VWC2L: variants seen among roughly 807,000 people sequenced by gnomAD.
The protein encoded by VWC2L is von Willebrand factor C domain containing 2 like, also known as von Willebrand factor C domain-containing protein 2-like.
In VWC2L, 10 loss-of-function variants were observed where a neutral mutation model predicts 21.6. The ratio of observed to expected loss-of-function variants is 0.46; its 90% CI spans 0.29 to 0.78. The LOEUF is 0.78. Ranked by LOEUF, VWC2L falls within the 30% of genes least tolerant of loss-of-function variation. The probability of loss-of-function intolerance (pLI) is 0.10; values close to 1 mark genes in which losing one functional copy is unlikely to be tolerated. For synonymous variants in VWC2L, 96 were observed against 94.3 expected (o/e 1.02, Z -0.10); for missense variants, 209 against 277.1 (o/e 0.75, Z 1.74).
chr2:214,570,127 C>T (rs1218136831), intron 3 of VWC2L, among the ~76,000 whole-genome samples: 1 of 152,000 alleles, frequency 6.6e-6, no homozygotes, highest in Non-Finnish European at 1.5e-5. Flanking sequence ...CTGGAAGGTG[C>T]TTTATGGTCT....
chr2:214,552,039 T>C (rs1689803187), intron 3 of VWC2L, among the ~76,000 whole-genome samples: 1 of 152,260 alleles, frequency 6.6e-6, no homozygotes, highest in African/African-American at 2.4e-5. Flanking sequence ...TATTGTGGTT[T>C]AGTGTTTAAG....
chr2:214,458,089 T>C (rs1354513753), intron 3 of VWC2L, among the ~76,000 whole-genome samples: 1 of 152,106 alleles, frequency 6.6e-6, no homozygotes, highest in African/African-American at 2.4e-5. Context: ...GGCGTTTCTT[T>C]GTTGGGAGAC....
chr2:214,485,638 C>T (rs1688663591), intron 3 of VWC2L, among the ~76,000 whole-genome samples: 2 of 152,210 alleles, frequency 1.3e-5, no homozygotes, highest in Admixed American at 6.5e-5. Context: ...AACATTCACA[C>T]ATTTGCCTCA....
intron 3 of VWC2L, among the ~76,000 whole-genome samples, chr2:214,482,616 G>GA (rs1688622747): frequency 6.7e-6 from 1 of 148,654 alleles, no homozygotes; most frequent in Admixed American, 6.7e-5. Flanking sequence ...TGAAGAGAGA[G>GA]AAAAAAATTT....
chr2:214,493,889 T>A (rs1030976627), intron 3 of VWC2L, among the ~76,000 whole-genome samples: 3 of 152,178 alleles, frequency 2.0e-5, no homozygotes, highest in Admixed American at 6.5e-5. Flanking sequence ...TCTAAGACCC[T>A]ACCTGCAGAT....
intron 2 of VWC2L, among the ~76,000 whole-genome samples, chr2:214,431,580 T>C (rs1702601937): frequency 1.3e-5 from 2 of 152,202 alleles, no homozygotes; most frequent in Admixed American, 6.5e-5. Flanking sequence ...TTCAACAGTA[T>C]TCACAGACAA....
chr2:214,439,861 G>A (rs7561277), intron 3 of VWC2L, among the ~76,000 whole-genome samples: 11,653 of 151,718 alleles, frequency 0.077, 1,457 homozygotes, highest in African/African-American at 0.26. Context: ...TAGTTTTTCC[G>A]TAAAACTGTT....
At chr2:214,469,430 T>C (rs1163566004) in intron 3 of VWC2L, among the ~76,000 whole-genome samples, 1 of 152,124 alleles carries the variant, frequency 6.6e-6, no homozygotes, top group African/African-American at 2.4e-5. Flanking sequence ...AAACCCCATC[T>C]CTACCAAAAA....
chr2:214,516,156 A>G (rs530415057), intron 3 of VWC2L, among the ~76,000 whole-genome samples: 1 of 152,114 alleles, frequency 6.6e-6, no homozygotes, highest in Non-Finnish European at 1.5e-5. Flanking sequence ...CCATACGGGG[A>G]GTATTTACAC....
chr2:214,423,059 C>A (rs1240220937), intron 2 of VWC2L, among the ~76,000 whole-genome samples: 1 of 151,856 alleles, frequency 6.6e-6, no homozygotes, highest in African/African-American at 2.4e-5. Flanking sequence ...GTAACAATTA[C>A]CAAAGCTCAG....
intron 3 of VWC2L, among the ~76,000 whole-genome samples, chr2:214,524,099 C>G (rs1689288873): frequency 6.6e-6 from 1 of 151,876 alleles, no homozygotes; most frequent in Non-Finnish European, 1.5e-5. Flanking sequence ...ATACATTGAA[C>G]CATAGTATAT....
chr2:214,471,427 T>TA (rs1464823505), intron 3 of VWC2L, among the ~76,000 whole-genome samples: 1 of 152,200 alleles, frequency 6.6e-6, no homozygotes, highest in Non-Finnish European at 1.5e-5. Flanking sequence ...TGAATGAGAT[T>TA]AAAAATGTAA....
At chr2:214,433,449 T>C (rs867375638) in intron 2 of VWC2L, among the ~76,000 whole-genome samples, 2 of 152,042 alleles carry the variant, frequency 1.3e-5, no homozygotes, top group Non-Finnish European at 2.9e-5. Flanking sequence ...CTAGTAGAAA[T>C]AATTTTTCTG....
intron 3 of VWC2L, among the ~76,000 whole-genome samples, chr2:214,574,373 A>G (rs1252974660): frequency 6.6e-6 from 1 of 152,234 alleles, no homozygotes; most frequent in African/African-American, 2.4e-5. Flanking sequence ...ACAATGGGCA[A>G]TTAAAACCAT....
intron 3 of VWC2L, among the ~76,000 whole-genome samples, chr2:214,504,434 G>C (rs765043451): frequency 3.9e-5 from 6 of 152,208 alleles, no homozygotes; most frequent in African/African-American, 1.2e-4. Context: ...TCTGCAGCAC[G>C]TGTCTGACAT....
At chr2:214,427,208 C>T (rs771286914) in intron 2 of VWC2L, among the ~76,000 whole-genome samples, 4 of 152,080 alleles carry the variant, frequency 2.6e-5, no homozygotes, top group African/African-American at 7.2e-5. Context: ...CTAAATATGA[C>T]AGAGAAAAAA....
At chr2:214,541,096 C>A (rs1349329242) in intron 3 of VWC2L, among the ~76,000 whole-genome samples, 1 of 152,072 alleles carries the variant, frequency 6.6e-6, no homozygotes, top group Non-Finnish European at 1.5e-5. Context: ...TTGCTTATAC[C>A]AACTCCAGAG....
At chr2:214,571,770 C>G (rs573008369) in intron 3 of VWC2L, among the ~76,000 whole-genome samples, 2 of 152,226 alleles carry the variant, frequency 1.3e-5, no homozygotes, top group East Asian at 3.9e-4. Context: ...CATATTCTCT[C>G]TTTCTTTCAT....
intron 3 of VWC2L, among the ~76,000 whole-genome samples, chr2:214,466,810 G>C (rs923317437): frequency 5.3e-5 from 8 of 152,134 alleles, no homozygotes; most frequent in Admixed American, 6.5e-5. Flanking sequence ...CTTAGGTTTT[G>C]TGAATATATG....
Sources: gnomAD v4.1 joint callset for allele counts (sites outside exome capture counted in the v4.1 genomes callset) on GRCh38, gnomAD v4.1.1 for gene constraint, MANE v1.5 for transcripts, NCBI Gene and HGNC (gene_info 2026-07-23, HGNC 2026-07-21) for gene names.